PLEKHA5: variants seen among roughly 807,000 people sequenced by gnomAD.
PLEKHA5 encodes pleckstrin homology domain-containing family A member 5.
A neutral mutation model predicts 181.9 loss-of-function variants in PLEKHA5; 55 were observed. The observed-to-expected ratio is 0.30, with a 90% CI of 0.24 to 0.38. The LOEUF is 0.38. PLEKHA5 is among the 10% of genes least tolerant of loss of function. The pLI, the probability that PLEKHA5 is intolerant of heterozygous loss-of-function variation, is 1.00. For synonymous variants in PLEKHA5, 535 were observed against 529.4 expected (o/e 1.01, Z -0.15); for missense variants, 1,432 against 1,549.5 (o/e 0.92, Z 1.27).
At chr12:19,240,799 A>G (rs1451732960) in intron 3 of PLEKHA5, among the ~76,000 whole-genome samples, 1 of 151,898 alleles carries the variant, frequency 6.6e-6, no homozygotes, top group East Asian at 1.9e-4. Context: ...TGACGAGAAT[A>G]TTTCTGATTA....
intron 3 of PLEKHA5, among the ~76,000 whole-genome samples, chr12:19,218,612 T>C (rs7399032): frequency 0.67 from 101,153 of 151,942 alleles, 36,647 homozygotes; most frequent in Non-Finnish European, 0.82. Context: ...AGAATAAAAA[T>C]GTTTCTCCAT....
intron 3 of PLEKHA5, among the ~76,000 whole-genome samples, chr12:19,234,831 A>G (rs1428191596): frequency 1.3e-5 from 2 of 152,202 alleles, no homozygotes; most frequent in African/African-American, 2.4e-5. Context: ...AGAAGATCAA[A>G]TTGATTTGGG....
chr12:19,248,926 A>G (rs770003843), intron 3 of PLEKHA5, among the ~76,000 whole-genome samples: 15 of 152,234 alleles, frequency 9.9e-5, no homozygotes, highest in Non-Finnish European at 2.2e-4. Flanking sequence ...ATTGTAAATA[A>G]CATTTATCAA....
At chr12:19,300,926 G>A (rs2255902) in intron 15 of PLEKHA5, among the ~76,000 whole-genome samples, 21,698 of 149,826 alleles carry the variant, frequency 0.14, 1,775 homozygotes, top group Middle Eastern at 0.28. Context: ...CCTGAGGTTG[G>A]GAGTTCAAGA....
chr12:19,318,455 T>C (rs1354128693), intron 16 of PLEKHA5, among the ~76,000 whole-genome samples: 1 of 152,172 alleles, frequency 6.6e-6, no homozygotes, highest in Non-Finnish European at 1.5e-5. Context: ...TATATCAATA[T>C]CCTAAAGATT....
intron 3 of PLEKHA5, among the ~76,000 whole-genome samples, chr12:19,159,143 T>C (rs1193807438): frequency 6.6e-6 from 1 of 152,214 alleles, no homozygotes; most frequent in Non-Finnish European, 1.5e-5. Context: ...TAAGACAGAT[T>C]AAAACACAGC....
At position 19,291,953 on chromosome 12, in the gene PLEKHA5, G is replaced by A. The variant is rs1189871805; in HGVS notation, c.2037+256G>A. Among the ~76,000 whole-genome samples, 4 of 152,150 alleles carry A rather than the reference G, an allele frequency of 2.6e-5. No individual in the cohort carries two copies. The East Asian group carries it at 5.8e-4, about 22-fold the overall frequency. On this transcript the variant is annotated intron_variant, in intron 15 of 31. Transcript: ENST00000429027. ...TGAGGGCCTAAATTCTCTAGACTTC[G>A]TTCTTCTTATCCCATTAAAACACCT...
chr12:19,365,948 A>G lies in PLEKHA5; in HGVS notation c.3609-16A>G, dbSNP rs185368349. 1.3e-6 allele frequency: 2 copies of G among 1,569,352 alleles called. No homozygotes were observed. The highest frequency in any genetic ancestry group is 2.8e-5 in the African/African-American group (2 of 72,280). The stretch of plus-strand genomic sequence containing the variant: ...CTATAGTGACAAATTTTTAAATACC[A>G]ATCTATTTTCATCAGCCCTCAAGAT... On this transcript the variant is annotated splice_polypyrimidine_tract_variant and intron_variant, in intron 29 of 31. Transcript: ENST00000429027.
At chr12:19,310,627 A>AAG (rs397700483) in intron 15 of PLEKHA5, among the ~76,000 whole-genome samples, 8 of 150,032 alleles carry the variant, frequency 5.3e-5, no homozygotes, top group Non-Finnish European at 1.2e-4. Flanking sequence ...AAAAAAAAAA[A>AAG]GAATGCAGGC....
intron 25 of PLEKHA5, among the ~76,000 whole-genome samples, chr12:19,350,173 A>G (rs2094525148): frequency 6.6e-6 from 1 of 152,348 alleles, no homozygotes; most frequent in African/African-American, 2.4e-5. Flanking sequence ...CCATGGTTTA[A>G]AAGAAGAATC....
rs746489345 is a variant in PLEKHA5, at chr12:19,130,099, G to T, written c.138G>T (p.Ala46=). Residue 46 remains alanine (A), a synonymous_variant, in exon 2 of 32, where the codon GCG becomes GCT. Transcript: ENST00000429027. This position sits in a 1 kb window ranked among gnomAD's most constrained non-coding sequence, Gnocchi z 4.5. The part of the protein sequence containing the change: ...TTWLHPVTGE[A]VVTGHRRQST... ...GGCTGCACCCCGTCACCGGCGAGGCGGTGGTCACCGGACACCGGCGGCAGA... is the reference window on the plus strand; with the variant it reads ...GGCTGCACCCCGTCACCGGCGAGGCTGTGGTCACCGGACACCGGCGGCAGA... The T allele has an allele frequency of 1.1e-5, 17 of 1,586,196 alleles. No individual in the cohort carries two copies. Among genetic ancestry groups the T allele is most frequent in the Non-Finnish European group, 1.4e-5 (16 of 1,167,848 alleles).
chr12:19,216,260 G>GT (rs938093820), intron 3 of PLEKHA5, among the ~76,000 whole-genome samples: 3 of 152,102 alleles, frequency 2.0e-5, no homozygotes, highest in African/African-American at 7.2e-5. Context: ...GCTTCCTTTG[G>GT]TTTTTTATTA....
chr12:19,285,931 A>G (rs898299147), intron 12 of PLEKHA5, among the ~76,000 whole-genome samples: 2 of 152,178 alleles, frequency 1.3e-5, no homozygotes, highest in African/African-American at 2.4e-5. Context: ...TGTGAAACAT[A>G]TTTTTACTTG....
intron 31 of PLEKHA5, among the ~76,000 whole-genome samples, chr12:19,375,047 G>T (rs2095682230): frequency 6.6e-6 from 1 of 151,792 alleles, no homozygotes; most frequent in Non-Finnish European, 1.5e-5. Flanking sequence ...TGTGGGGCCG[G>T]GTATAGTGGC....
Position 19,348,454 on chromosome 12 carries a change from T to C in PLEKHA5, c.2954T>C (p.Val985Ala). ...SEPELTTVAE[V>A]DESNGEEKSE... ...CCAGAGTTAACAACAGTGGCAGAAG[T>C]TGATGAATCTAATGGAGAAGAAAAA... Residue 985 changes from valine (V) to alanine (A), a missense_variant, in exon 25 of 32, where the codon GTT becomes GCT. Physicochemically the swap from Val to Ala is moderately conservative, Grantham distance 64. Coordinates refer to ENST00000429027, the MANE Select transcript of PLEKHA5 (RefSeq NM_001256470.2). The C allele has an allele frequency of 6.3e-7, 1 of 1,582,080 alleles. No homozygotes were observed. Among genetic ancestry groups the C allele is most frequent in the South Asian group, 1.2e-5 (1 of 86,342 alleles).
intron 3 of PLEKHA5, among the ~76,000 whole-genome samples, chr12:19,240,523 C>T (rs964317399): frequency 2.0e-5 from 3 of 150,876 alleles, no homozygotes; most frequent in African/African-American, 7.3e-5. Flanking sequence ...TCACTGCAGC[C>T]TTGAACGCCT....
chr12:19,339,516 T>G (rs1205467392), intron 21 of PLEKHA5, among the ~76,000 whole-genome samples: 2 of 152,216 alleles, frequency 1.3e-5, no homozygotes, highest in African/African-American at 4.8e-5. Context: ...TGGAGAGGTG[T>G]AATTGGTATA....
At chr12:19,284,928 G>A (rs2076912600) in intron 12 of PLEKHA5, among the ~76,000 whole-genome samples, 1 of 152,094 alleles carries the variant, frequency 6.6e-6, no homozygotes, top group Non-Finnish European at 1.5e-5. Context: ...GCAGGACTCT[G>A]ACTCAAAAAA....
chr12:19,251,632 G>A (rs1271021513), intron 3 of PLEKHA5, among the ~76,000 whole-genome samples: 1 of 148,708 alleles, frequency 6.7e-6, no homozygotes, highest in South Asian at 2.2e-4. Context: ...ATGCCAAGTT[G>A]TGTTGTGCTC....
Sources: gnomAD v4.1 joint callset for allele counts (sites outside exome capture counted in the v4.1 genomes callset) on GRCh38, gnomAD v4.1.1 for gene constraint, Gnocchi (gnomAD v3.1) non-coding constraint, MANE v1.5 for transcripts, NCBI Gene and HGNC (gene_info 2026-07-23, HGNC 2026-07-21) for gene names.